PACS1: variants seen among roughly 807,000 people sequenced by gnomAD.
PACS1 encodes PACS-1.
PACS1 carries 24 observed loss-of-function variants against 115.0 expected under a neutral mutation model. The ratio of observed to expected loss-of-function variants is 0.21; its 90% CI spans 0.15 to 0.29. The LOEUF is 0.29. Ranked by LOEUF, PACS1 falls within the 10% of genes least tolerant of loss-of-function variation. The pLI is 1.00. For synonymous variants in PACS1, 453 were observed against 504.5 expected, an observed-to-expected ratio of 0.90 and a Z score of 1.37; for missense variants, 838 against 1,251.2, an observed-to-expected ratio of 0.67 and a Z score of 4.98.
At chr11:66,071,708 G>A (rs1857312670) in intron 1 of PACS1, among the ~76,000 whole-genome samples, 1 of 152,146 alleles carries the variant, frequency 6.6e-6, no homozygotes, top group Non-Finnish European at 1.5e-5. Flanking sequence ...AGAAGTGCCT[G>A]GAGGTGTTCT....
chr11:66,161,986 CAAGT>C (rs1859497158), intron 1 of PACS1, among the ~76,000 whole-genome samples: 1 of 152,024 alleles, frequency 6.6e-6, no homozygotes, highest in African/African-American at 2.4e-5. Flanking sequence ...TATTGGCCCT[CAAGT>C]AACCCCTGGT....
intron 2 of PACS1, among the ~76,000 whole-genome samples, chr11:66,202,742 A>AAAAAAAAAATAT (rs1200930188): frequency 2.8e-5 from 2 of 71,606 alleles, no homozygotes; most frequent in African/African-American, 1.6e-4. Context: ...AAAAAAAAAA[A>AAAAAAAAAATAT]ATATATATAT....
intron 1 of PACS1, among the ~76,000 whole-genome samples, chr11:66,142,834 GCTTGGGTTTCTCTGAATGATGT>G (rs1377448675): frequency 6.6e-6 from 1 of 151,746 alleles, no homozygotes; most frequent in African/African-American, 2.4e-5. Context: ...GCCCTGTGAG[GCTTGGGTTTCTCTGAATGATGT>G]CTTGGGTTTC....
intron 8 of PACS1, chr11:66,220,334 G>A (rs1855313591): frequency 1.0e-5 from 4 of 398,706 alleles, no homozygotes; most frequent in Admixed American, 8.1e-5. Context: ...CCTGTGAGCT[G>A]TAAGGAGGGT....
rs535345581 is a variant in PACS1, at chr11:66,205,658, ATT to A, written c.445-4687_445-4686del. ...CTCAAATATCACTACAATACTCTTAATTTTTTTTTTTTTTTTTTGAGAATGGG... is the reference window on the plus strand; with the variant it reads ...CTCAAATATCACTACAATACTCTTAATTTTTTTTTTTTTTTTGAGAATGGG... On this transcript the variant is annotated intron_variant, in intron 2 of 23. Coordinates refer to ENST00000320580, the MANE Select transcript of PACS1 (RefSeq NM_018026.4). 4.1e-4 allele frequency among the ~76,000 whole-genome samples: 57 copies of A among 138,974 alleles called. 1 individual carries two copies. Among genetic ancestry groups the A allele is most frequent in the African/African-American group, 1.1e-3 (43 of 37,406 alleles). The allele number at this position is 138,974 out of a possible 152,430, so 91.2% of individuals were successfully genotyped here. A position where few individuals can be genotyped will look rare whatever the true frequency, so the allele number is the denominator to read the frequency against.
chr11:66,178,581 A>C (rs1487939389), intron 1 of PACS1, among the ~76,000 whole-genome samples: 1 of 152,216 alleles, frequency 6.6e-6, no homozygotes, highest in Non-Finnish European at 1.5e-5. Flanking sequence ...TGAAATAGAA[A>C]TGTTTTAAAT....
Position 66,235,593 on chromosome 11 carries a change from G to A in PACS1, c.2207+190G>A, listed in dbSNP as rs972645799. 8 of 599,934 alleles carry A rather than the reference G, an allele frequency of 1.3e-5. No individual in the cohort carries two copies. The highest frequency in any genetic ancestry group is 2.1e-5 in the Non-Finnish European group (7 of 336,800). The allele number at this position is 599,934 out of a possible 1,614,324, so 37.2% of individuals were successfully genotyped here. On this transcript the variant is annotated intron_variant, in intron 18 of 23. Coordinates refer to ENST00000320580, the MANE Select transcript of PACS1 (RefSeq NM_018026.4). The surrounding 1 kb of genome is among the most constrained non-coding windows in gnomAD (Gnocchi z 5.6). ...CTTGCCCAAGGCCTCCCACCCATAG[G>A]AGCCTGAGTTCATCAGTTTCCTTTC...
chr11:66,216,697 C>T lies in PACS1; in HGVS notation c.900C>T (p.Asp300=). The part of the protein sequence containing the change: ...EGSDDPLHGQ[D]LFYEDEDLRK... ...ATTCTGTCCCTGTACCCACTTAGGA[C>T]TTGTTCTACGAAGACGAAGATCTCC... The change falls in exon 7 of 24, where the codon GAC becomes GAT. Residue 300 remains aspartate, a splice_region_variant and synonymous_variant. Transcript: ENST00000320580. The T allele has an allele frequency of 6.2e-7, 1 of 1,613,728 alleles. No homozygotes were observed. The highest frequency in any genetic ancestry group is 1.1e-5 in the South Asian group (1 of 91,078).
At position 66,099,376 on chromosome 11, in the gene PACS1, A is replaced by G. The variant is rs1281624000; in HGVS notation, c.356+28534A>G. ...GTAGCTGGGACTACAGGCGCCCACC[A>G]CCACACTCGGCTAATTTTTTTGTAT... is the stretch of plus-strand genomic sequence containing the variant. On this transcript the variant is annotated intron_variant, in intron 1 of 23. Transcript: ENST00000320580. 4.6e-5 allele frequency among the ~76,000 whole-genome samples: 7 copies of G among 151,508 alleles called. No homozygotes were observed. In the Middle Eastern group the frequency reaches 0.017, roughly 368 times the overall value.
chr11:66,117,450 A>G (rs752460551), intron 1 of PACS1, among the ~76,000 whole-genome samples: 2 of 128,558 alleles, frequency 1.6e-5, no homozygotes, highest in Non-Finnish European at 3.4e-5. Context: ...ATAAGAGGAA[A>G]ACTCCATCTC....
intron 1 of PACS1, among the ~76,000 whole-genome samples, chr11:66,071,596 G>A (rs901084513): frequency 9.9e-5 from 15 of 152,168 alleles, no homozygotes; most frequent in African/African-American, 3.4e-4. Context: ...TTTTGTATTG[G>A]CAAGGCAGTC....
At chr11:66,200,055 A>T (rs975736721) in intron 2 of PACS1, among the ~76,000 whole-genome samples, 3 of 151,214 alleles carry the variant, frequency 2.0e-5, no homozygotes, top group African/African-American at 7.3e-5. Flanking sequence ...AAACAAAAAA[A>T]AAAACAAGAC....
intron 1 of PACS1, among the ~76,000 whole-genome samples, chr11:66,144,405 A>G (rs1455064547): frequency 2.0e-5 from 3 of 152,224 alleles, no homozygotes; most frequent in Admixed American, 6.5e-5. Context: ...TATTTGTACA[A>G]ATATACATAG....
intron 2 of PACS1, among the ~76,000 whole-genome samples, chr11:66,202,814 G>T (rs1018277332): frequency 1.2e-4 from 15 of 129,614 alleles, no homozygotes; most frequent in Non-Finnish European, 2.1e-4. Flanking sequence ...ATTCAACAAG[G>T]CTTCATGATA....
At chr11:66,220,566 C>CTGCT in intron 8 of PACS1, 65 bp from the exon 9 acceptor site, 4 of 1,530,336 alleles carry the variant, frequency 2.6e-6, no homozygotes, top group Non-Finnish European at 3.6e-6. Context: ...GAGAAAGGAG[C>CTGCT]TGCTCATCAA....
intron 1 of PACS1, among the ~76,000 whole-genome samples, chr11:66,101,138 A>G (rs1234014029): frequency 6.6e-6 from 1 of 152,364 alleles, no homozygotes; most frequent in Non-Finnish European, 1.5e-5. Context: ...TTCTGGAAGA[A>G]TGGAAGATTC....
At chr11:66,139,944 G>A (rs1022742961) in intron 1 of PACS1, among the ~76,000 whole-genome samples, 3 of 152,186 alleles carry the variant, frequency 2.0e-5, no homozygotes, top group African/African-American at 4.8e-5. Flanking sequence ...CATAGTGGTT[G>A]TAAAGTTGCA....
chr11:66,238,658 G>A (rs1005609863), intron 19 of PACS1, 146 bp from the exon 20 acceptor site: 8 of 761,166 alleles, frequency 1.1e-5, no homozygotes, highest in African/African-American at 5.2e-5. Flanking sequence ...AAGCCACCAC[G>A]CCCAGCCCAG....
intron 1 of PACS1, among the ~76,000 whole-genome samples, chr11:66,155,138 C>T (rs1217626976): frequency 2.0e-5 from 3 of 152,116 alleles, no homozygotes; most frequent in Non-Finnish European, 4.4e-5. Context: ...AAGCTCAAAA[C>T]GGACCAAAGT....
Sources: gnomAD v4.1 joint callset for allele counts (sites outside exome capture counted in the v4.1 genomes callset) on GRCh38, gnomAD v4.1.1 for gene constraint, Gnocchi (gnomAD v3.1) non-coding constraint, MANE v1.5 for transcripts, NCBI Gene and HGNC (gene_info 2026-07-23, HGNC 2026-07-21) for gene names.